The following OR10K1 variants were observed in gnomAD, a reference collection of about 807,000 sequenced individuals.
OR10K1 encodes olfactory receptor family 10 subfamily K member 1.
For synonymous variants in OR10K1, 186 were observed against 152.5 expected, an observed-to-expected ratio of 1.22 and a Z score of -1.62; for missense variants, 404 against 373.3, an observed-to-expected ratio of 1.08 and a Z score of -0.68.
rs1655971134 is a variant in OR10K1, at chr1:158,463,584, A to C, written c.-157+1680A>C. The stretch of plus-strand genomic sequence containing the variant: ...CAGAGAATTCCAGCTTCCATGGTTT[A>C]CATTATTCATCATATTCAGTCAAGT... On this transcript the variant is annotated intron_variant, in intron 1 of 1. Coordinates refer to ENST00000641535, the MANE Select transcript of OR10K1 (RefSeq NM_001004473.2). 2.0e-5 allele frequency among the ~76,000 whole-genome samples: 3 copies of C among 152,342 alleles called. No homozygotes were observed. In the South Asian group the frequency reaches 6.2e-4, roughly 32 times the overall value.
In OR10K1 at chr1:158,466,613, A is replaced by G. The variant is rs1656049777; in HGVS notation, c.*110A>G. On this transcript the variant is annotated 3_prime_UTR_variant, in exon 2 of 2. Coordinates refer to ENST00000641535, the MANE Select transcript of OR10K1 (RefSeq NM_001004473.2). ...CTCCACTGTAACATAAGAACATTTT[A>G]CATATGAGAAGAATGAGGCTCACAG... 5 of 700,028 alleles carry G rather than the reference A, an allele frequency of 7.1e-6. No individual in the cohort carries two copies. The East Asian group carries it at 1.3e-4, about 19-fold the overall frequency. The allele number at this position is 700,028 out of a possible 1,614,324, so 43.4% of individuals were successfully genotyped here.
intron 1 of OR10K1, among the ~76,000 whole-genome samples, chr1:158,464,479 C>T (rs538738509): frequency 4.6e-5 from 7 of 152,230 alleles, no homozygotes; most frequent in African/African-American, 1.7e-4. Context: ...TTCTACAAAA[C>T]TCTTATTTCT....
Position 158,465,477 on chromosome 1 carries a change from T to G in OR10K1, c.-85T>G. ...ATGCCTGCCACCTGCAAACTTTGTG[T>G]GAAATTTCCCGTACATTTCCACTCT... On this transcript the variant is annotated 5_prime_UTR_variant, in exon 2 of 2. Coordinates refer to ENST00000641535, the MANE Select transcript of OR10K1 (RefSeq NM_001004473.2). 9.5e-7 allele frequency: 1 copy of G among 1,053,640 alleles called. No individual in the cohort carries two copies. Among genetic ancestry groups the G allele is most frequent in the Non-Finnish European group, 1.4e-6 (1 of 722,762 alleles). 65.3% of individuals were successfully genotyped at this position (1,053,640 alleles called of 1,614,324 possible). A position where few individuals can be genotyped will look rare whatever the true frequency, so the allele number is the denominator to read the frequency against.
chr1:158,463,767 T>C (rs1655974536), intron 1 of OR10K1, among the ~76,000 whole-genome samples: 1 of 152,196 alleles, frequency 6.6e-6, no homozygotes, highest in Admixed American at 6.5e-5. Context: ...GGAGGTATTA[T>C]GTAGGGAAAC....
At position 158,467,275 on chromosome 1, in the gene OR10K1, T is replaced by G. The variant is rs1185503254; in HGVS notation, c.*772T>G. On this transcript the variant is annotated 3_prime_UTR_variant, in exon 2 of 2. Transcript: ENST00000641535. The stretch of plus-strand genomic sequence containing the variant: ...AGTTAATATTAATAGAAGGCTAGAT[T>G]CCTAGAATGACCAGAAAACTCATGG... 52 of 152,098 alleles carry G rather than the reference T, an allele frequency of 3.4e-4. No individual in the cohort carries two copies. The highest frequency in any genetic ancestry group is 3.4e-3 in the Admixed American group (52 of 15,250). The allele number at this position is 152,098 out of a possible 1,614,324, so 9.4% of individuals were successfully genotyped here.
At position 158,466,485 on chromosome 1, in the gene OR10K1, T is replaced by G. The variant is rs1404557466; in HGVS notation, c.924T>G (p.Thr308=). 2 of 1,612,852 alleles carry G rather than the reference T, an allele frequency of 1.2e-6. No individual in the cohort carries two copies. The highest frequency in any genetic ancestry group is 8.5e-7 in the Non-Finnish European group (1 of 1,179,076). The change falls in exon 2 of 2, where the codon ACT becomes ACG. Residue 308 remains threonine, a synonymous_variant. Coordinates refer to ENST00000641535, the MANE Select transcript of OR10K1 (RefSeq NM_001004473.2). ...KSALRRTIGQ[T]FYPLS is the part of the protein sequence containing the mutation. ...CCCTACGAAGAACAATCGGCCAAAC[T>G]TTCTATCCTCTTAGTTAAAGAGCTA...
chr1:158,465,682 A>C lies in OR10K1; in HGVS notation c.121A>C (p.Thr41Pro). ...FLLLYLFTLG[T>P]NAIIISTIVL... ...GCTCCTCTACCTGTTCACTCTGGGC[A>C]CCAATGCAATCATCATTTCCACCAT... The change falls in exon 2 of 2, where the codon ACC (threonine) becomes CCC (proline). Residue 41 changes from threonine (T) to proline (P), a missense_variant. Transcript: ENST00000641535. 1 of 1,614,102 alleles carries C rather than the reference A, an allele frequency of 6.2e-7. No homozygotes were observed. The highest frequency in any genetic ancestry group is 1.1e-5 in the South Asian group (1 of 91,072).
Position 158,465,445 on chromosome 1 carries a change from T to A in OR10K1, c.-117T>A. On this transcript the variant is annotated 5_prime_UTR_variant, in exon 2 of 2. The change creates a premature stop within an existing upstream ORF in the 5' untranslated region. Transcript: ENST00000641535. ...GGGGAATGAAGAATTCCATCAAATATCTGGAAATGCCTGCCACCTGCAAAC... is the reference window on the plus strand; with the variant it reads ...GGGGAATGAAGAATTCCATCAAATAACTGGAAATGCCTGCCACCTGCAAAC... The A allele has an allele frequency of 1.3e-6, 1 of 750,500 alleles. No homozygotes were observed. Among genetic ancestry groups the A allele is most frequent in the Non-Finnish European group, 2.2e-6 (1 of 458,492 alleles). The allele number at this position is 750,500 out of a possible 1,614,324, so 46.5% of individuals were successfully genotyped here.
At position 158,466,540 on chromosome 1, in the gene OR10K1, C is replaced by G; in HGVS notation, c.*37C>G. On this transcript the variant is annotated 3_prime_UTR_variant, in exon 2 of 2. Transcript: ENST00000641535. ...TTAAACTACTAATGCCTAGTACATG[C>G]CAGGCAGAACGTGTGTTTTATACAT... The G allele has an allele frequency of 8.0e-7, 1 of 1,251,560 alleles. No homozygotes were observed. Among genetic ancestry groups the G allele is most frequent in the Non-Finnish European group, 1.2e-6 (1 of 862,858 alleles). The allele number at this position is 1,251,560 out of a possible 1,614,324, so 77.5% of individuals were successfully genotyped here.
chr1:158,464,429 T>A (rs1449897733), intron 1 of OR10K1, among the ~76,000 whole-genome samples: 2 of 152,124 alleles, frequency 1.3e-5, no homozygotes, highest in Non-Finnish European at 2.9e-5. Context: ...AATTCCCAAG[T>A]GTGCCATTCT....
chr1:158,464,487 T>C (rs1414769366), intron 1 of OR10K1, among the ~76,000 whole-genome samples: 1 of 152,108 alleles, frequency 6.6e-6, no homozygotes, highest in Non-Finnish European at 1.5e-5. Context: ...AACTCTTATT[T>C]CTCTGAGTTT....
chr1:158,466,446 G>A lies in OR10K1; in HGVS notation c.885G>A (p.Lys295=). 6.2e-7 allele frequency: 1 copy of A among 1,614,018 alleles called. No homozygotes were observed. Among genetic ancestry groups the A allele is most frequent in the Non-Finnish European group, 8.5e-7 (1 of 1,179,968 alleles). The part of the protein sequence containing the change: ...FNPMIYSLRN[K]EFKSALRRTI... ...CAATGATTTATAGTCTGAGAAATAA[G>A]GAATTCAAATCAGCCCTACGAAGAA... The change falls in exon 2 of 2, where the codon AAG becomes AAA. Residue 295 remains lysine, a synonymous_variant. Coordinates refer to ENST00000641535, the MANE Select transcript of OR10K1 (RefSeq NM_001004473.2).
At chr1:158,462,747 C>T (rs1358321827) in intron 1 of OR10K1, among the ~76,000 whole-genome samples, 6 of 152,144 alleles carry the variant, frequency 3.9e-5, no homozygotes, top group African/African-American at 9.7e-5. Flanking sequence ...AAGTTTTACA[C>T]GTGAAAACTC....
rs545434120 is a variant in OR10K1, at chr1:158,465,961, G to A, written c.400G>A (p.Val134Met). ...MAICNPLRYS[V>M]LMGHGVCMGL... ...CATCTGTAACCCACTGCGCTACTCA[G>A]TGCTCATGGGACATGGGGTGTGTAT... Residue 134 changes from valine (V) to methionine (M), a missense_variant, in exon 2 of 2, where the codon GTG (valine) becomes ATG (methionine). Physicochemically the swap from Val to Met is conservative, Grantham distance 21 (BLOSUM62 1). Coordinates refer to ENST00000641535, the MANE Select transcript of OR10K1 (RefSeq NM_001004473.2). 1.9e-6 allele frequency: 3 copies of A among 1,614,140 alleles called. No homozygotes were observed. In the African/African-American group the frequency reaches 4.0e-5, roughly 22 times the overall value.
Position 158,465,526 on chromosome 1 carries a change from C to T in OR10K1, c.-36C>T, listed in dbSNP as rs760967957. ...CTCCTTTCTGGATCCTGGTTTCTAC[C>T]TCTGTCCCTGACTCTCCTTTATAGA... On this transcript the variant is annotated 5_prime_UTR_variant, in exon 2 of 2. Transcript: ENST00000641535. 52 of 1,533,148 alleles carry T rather than the reference C, an allele frequency of 3.4e-5. No homozygotes were observed. The South Asian group carries it at 4.7e-4, about 14-fold the overall frequency. The allele number at this position is 1,533,148 out of a possible 1,614,324, so 95.0% of individuals were successfully genotyped here.
At position 158,465,783 on chromosome 1, in the gene OR10K1, C is replaced by T. The variant is rs76205582; in HGVS notation, c.222C>T (p.Thr74=). 3.7e-6 allele frequency: 6 copies of T among 1,614,150 alleles called. No homozygotes were observed. The highest frequency in any genetic ancestry group is 5.1e-6 in the Non-Finnish European group (6 of 1,180,022). The stretch of plus-strand genomic sequence containing the variant: ...TTTCTTGCTCTGAGATTTGCTATAC[C>T]TTTGTCATTGTACCCAAGATGCTGG... The part of the protein sequence containing the change: ...AILSCSEICY[T]FVIVPKMLVD... Residue 74 remains threonine (T), a synonymous_variant, in exon 2 of 2, where the codon ACC becomes ACT. Coordinates refer to ENST00000641535, the MANE Select transcript of OR10K1 (RefSeq NM_001004473.2).
Position 158,466,847 on chromosome 1 carries a change from A to C in OR10K1, c.*344A>C, listed in dbSNP as rs1335583826. The C allele has an allele frequency of 1.1e-5, 2 of 178,118 alleles. No individual in the cohort carries two copies. Among genetic ancestry groups the C allele is most frequent in the Non-Finnish European group, 2.3e-5 (2 of 86,088 alleles). The allele number at this position is 178,118 out of a possible 1,614,324, so 11.0% of individuals were successfully genotyped here. On this transcript the variant is annotated 3_prime_UTR_variant, in exon 2 of 2. Coordinates refer to ENST00000641535, the MANE Select transcript of OR10K1 (RefSeq NM_001004473.2). ...GAGAGCTTGGATACATCAGGAAAGA[A>C]AAGATGTATCCAAAAAAAAAAAAAG...
intron 1 of OR10K1, among the ~76,000 whole-genome samples, chr1:158,462,587 A>G (rs1025776232): frequency 6.6e-6 from 1 of 152,166 alleles, no homozygotes; most frequent in Non-Finnish European, 1.5e-5. Flanking sequence ...CTTAAACTCC[A>G]TTTTAATATG....
intron 1 of OR10K1, among the ~76,000 whole-genome samples, chr1:158,462,705 T>C (rs749399810): frequency 5.9e-5 from 9 of 152,194 alleles, no homozygotes; most frequent in Non-Finnish European, 1.0e-4. Context: ...CTGATTGATG[T>C]TTTCCTTAAA....
Sources: gnomAD v4.1 joint callset for allele counts (sites outside exome capture counted in the v4.1 genomes callset) on GRCh38, gnomAD v4.1.1 for gene constraint, MANE v1.5 for transcripts, NCBI Gene and HGNC (gene_info 2026-07-23, HGNC 2026-07-21) for gene names.